The following GSTZ1 variants were observed in gnomAD, a reference collection of about 807,000 sequenced individuals.
GSTZ1 encodes maleylacetoacetate isomerase.
A neutral mutation model predicts 35.9 loss-of-function variants in GSTZ1; 34 were observed. That is an observed-to-expected ratio of 0.95 (90% CI 0.72 to 1.26). GSTZ1 has a LOEUF of 1.26. GSTZ1 is among the 50% of genes most tolerant of loss of function. The pLI, the probability that GSTZ1 is intolerant of heterozygous loss-of-function variation, is 0.00. For missense variants in GSTZ1, 263 were observed against 271.7 expected, an observed-to-expected ratio of 0.97 and a Z score of 0.23; for synonymous variants, 93 against 101.2, an observed-to-expected ratio of 0.92 and a Z score of 0.49.
At position 77,331,082 on chromosome 14, in the gene GSTZ1, C is replaced by A; in HGVS notation, c.538C>A (p.Leu180Ile). 6.2e-7 allele frequency: 1 copy of A among 1,613,920 alleles called. No homozygotes were observed. The highest frequency in any genetic ancestry group is 8.5e-7 in the Non-Finnish European group (1 of 1,179,848). ...VANAERFKVD[L>I]TPYPTISSIN... The stretch of plus-strand genomic sequence containing the variant: ...TCTCTACTACAGATTCAAGGTGGAT[C>A]TCACCCCCTACCCTACCATCAGCTC... The change falls in exon 9 of 9, where the codon CTC (leucine) becomes ATC (isoleucine). Residue 180 changes from leucine to isoleucine, a missense_variant. Physicochemically the swap from Leu to Ile is conservative, Grantham distance 5. Coordinates refer to ENST00000216465, the MANE Select transcript of GSTZ1 (RefSeq NM_145870.3).
At chr14:77,322,545 A>G (rs1892075678) in intron 1 of GSTZ1, 1 of 968,930 alleles carries the variant, frequency 1.0e-6, no homozygotes, top group Non-Finnish European at 1.2e-6. Flanking sequence ...GCCACACTCT[A>G]GTGGTCACCA....
At chr14:77,325,068 A>G (rs1157453775) in intron 2 of GSTZ1, 147 bp downstream of exon 2, 3 of 691,800 alleles carry the variant, frequency 4.3e-6, no homozygotes, top group Non-Finnish European at 7.9e-6. Context: ...GGCTCCTAGA[A>G]CCCCCATCCC....
chr14:77,330,986 G>A (rs1412296497), intron 8 of GSTZ1, 83 bp from the exon 9 acceptor site: 1 of 1,391,174 alleles, frequency 7.2e-7, no homozygotes. Context: ...ATCCAGCCCT[G>A]CCTCTCTGCT....
At position 77,330,294 on chromosome 14, in the gene GSTZ1, C is replaced by T; in HGVS notation, c.475-16C>T. The T allele has an allele frequency of 6.2e-7, 1 of 1,608,488 alleles. No individual in the cohort carries two copies. Among genetic ancestry groups the T allele is most frequent in the Non-Finnish European group, 8.5e-7 (1 of 1,174,906 alleles). On this transcript the variant is annotated splice_polypyrimidine_tract_variant and intron_variant, in intron 7 of 8. Transcript: ENST00000216465. ...GGGTATGCACCCTGATGGGAACCCA[C>T]CGGGACCTCTTTCAGGTGACCATGG...
In GSTZ1 at chr14:77,326,821, T is replaced by A; in HGVS notation, c.68-17T>A. The A allele has an allele frequency of 6.3e-7, 1 of 1,582,684 alleles. No homozygotes were observed. The highest frequency in any genetic ancestry group is 8.6e-7 in the Non-Finnish European group (1 of 1,156,838). On this transcript the variant is annotated splice_polypyrimidine_tract_variant and intron_variant, in intron 2 of 8. Coordinates refer to ENST00000216465, the MANE Select transcript of GSTZ1 (RefSeq NM_145870.3). ...GAGAGGCTGTTCTTTGACTCCGCTATGTGCGGTCTCTCCTAGCTCTGGCCT... is the reference window on the plus strand; with the variant it reads ...GAGAGGCTGTTCTTTGACTCCGCTAAGTGCGGTCTCTCCTAGCTCTGGCCT...
In GSTZ1 at chr14:77,331,506, T is replaced by A; in HGVS notation, c.*311T>A. ...CACCGTAACACCACGGGGAAGGCTG[T>A]GTGCCTTTTCTCATCCGCTTTTGTT... On this transcript the variant is annotated 3_prime_UTR_variant, in exon 9 of 9. Transcript: ENST00000216465. 1 of 290,440 alleles carries A rather than the reference T, an allele frequency of 3.4e-6. No individual in the cohort carries two copies. 18.0% of individuals were successfully genotyped at this position (290,440 alleles called of 1,614,324 possible).
In GSTZ1 at chr14:77,331,267, G is replaced by C. The variant is rs947623788; in HGVS notation, c.*72G>C. The C allele has an allele frequency of 1.1e-5, 17 of 1,525,114 alleles. No individual in the cohort carries two copies. Among genetic ancestry groups the C allele is most frequent in the African/African-American group, 6.9e-5 (5 of 72,476 alleles). The allele number at this position is 1,525,114 out of a possible 1,614,324, so 94.5% of individuals were successfully genotyped here. A position where few individuals can be genotyped will look rare whatever the true frequency, so the allele number is the denominator to read the frequency against. On this transcript the variant is annotated 3_prime_UTR_variant, in exon 9 of 9. Coordinates refer to ENST00000216465, the MANE Select transcript of GSTZ1 (RefSeq NM_145870.3). ...GGGTGGGCTGAAGAGGCCTGGAAAC[G>C]AGAGTCTTAATTGAGGAGATGGGAG...
chr14:77,322,283 TG>T (rs1466823998), intron 1 of GSTZ1, among the ~76,000 whole-genome samples: 5 of 152,222 alleles, frequency 3.3e-5, no homozygotes, highest in African/African-American at 4.8e-5. Context: ...GCTGATGAGA[TG>T]GATACTTGGG....
chr14:77,324,184 T>A, intron 1 of GSTZ1: 1 of 145,306 alleles, frequency 6.9e-6, no homozygotes, highest in Non-Finnish European at 1.5e-5. Context: ...AGACGCAGTC[T>A]CGCTCTGGAG....
intron 1 of GSTZ1, 95 bp downstream of exon 1, chr14:77,321,278 C>T: frequency 6.6e-7 from 1 of 1,521,850 alleles, no homozygotes; most frequent in Non-Finnish European, 8.9e-7. Flanking sequence ...CCGCCCAGGC[C>T]GACAACGACT....
At chr14:77,322,969 C>T (rs1274847223) in intron 1 of GSTZ1, 1 of 151,890 alleles carries the variant, frequency 6.6e-6, no homozygotes, top group African/African-American at 2.4e-5. Flanking sequence ...CAAGTTCTCC[C>T]CTATCCATAG....
At position 77,324,873 on chromosome 14, in the gene GSTZ1, A is replaced by G. The variant is rs1180373091; in HGVS notation, c.19A>G (p.Ile7Val). 3.1e-6 allele frequency: 5 copies of G among 1,613,928 alleles called. No homozygotes were observed. The highest frequency in any genetic ancestry group is 4.2e-6 in the Non-Finnish European group (5 of 1,179,888). ...CCTTCATCCTCTCTCTCCTCAGCCC[A>G]TCCTCTATTCCTATTTCCGAAGCTC... is the stretch of plus-strand genomic sequence containing the variant. MQAGKP[I>V]LYSYFRSSCS... The change falls in exon 2 of 9, where the codon ATC (isoleucine) becomes GTC (valine). Residue 7 changes from isoleucine to valine, a missense_variant. By Grantham distance (29) the Ile-to-Val change is conservative. Transcript: ENST00000216465.
At chr14:77,321,280 A>G (rs1891934583) in intron 1 of GSTZ1, 97 bp downstream of exon 1, 1 of 1,522,996 alleles carries the variant, frequency 6.6e-7, no homozygotes, top group East Asian at 2.5e-5. Flanking sequence ...GCCCAGGCCG[A>G]CAACGACTCC....
At chr14:77,321,796 T>C (rs1189482216) in intron 1 of GSTZ1, among the ~76,000 whole-genome samples, 1 of 150,148 alleles carries the variant, frequency 6.7e-6, no homozygotes, top group African/African-American at 2.5e-5. Context: ...GGCAGGAGAA[T>C]AGCGTGAACC....
chr14:77,327,163 A>T, intron 3 of GSTZ1: 1 of 589,826 alleles, frequency 1.7e-6, no homozygotes, highest in Non-Finnish European at 3.0e-6. Context: ...GTGGGTGGCT[A>T]GTGGGTCCCC....
chr14:77,324,296 C>A, intron 1 of GSTZ1: 1 of 407,832 alleles, frequency 2.5e-6, no homozygotes, highest in South Asian at 2.4e-5. Context: ...GCACCCACTA[C>A]CACACCTGGC....
chr14:77,321,295 A>T, intron 1 of GSTZ1, 112 bp downstream of exon 1: 1 of 1,520,428 alleles, frequency 6.6e-7, no homozygotes, highest in South Asian at 1.2e-5. Flanking sequence ...GACTCCCGGC[A>T]TGCAGTGCTT....
intron 3 of GSTZ1, 196 bp downstream of exon 3, chr14:77,327,101 G>C (rs1003355761): frequency 3.3e-6 from 2 of 606,382 alleles, no homozygotes; most frequent in Admixed American, 5.6e-5. Flanking sequence ...GAAGGGCCCA[G>C]GTCCAGACTG....
intron 7 of GSTZ1, 102 bp downstream of exon 7, chr14:77,329,909 G>C (rs2139582157): frequency 3.4e-6 from 3 of 876,578 alleles, no homozygotes; most frequent in Non-Finnish European, 5.8e-6. Context: ...TCTGCAGGGG[G>C]ATCTCTGTGC....
Sources: allele counts gnomAD v4.1 joint callset (sites outside exome capture counted in the v4.1 genomes callset), GRCh38; gene constraint gnomAD v4.1.1; transcripts MANE v1.5; gene names NCBI Gene and HGNC (gene_info 2026-07-23, HGNC 2026-07-21).